C4orf50: variants seen among roughly 807,000 people sequenced by gnomAD.
C4orf50 encodes uncharacterized protein C4orf50.
Under a neutral mutation model 77.2 loss-of-function variants are expected in C4orf50, and 80 were observed. That is an observed-to-expected ratio of 1.04 (90% CI 0.87 to 1.25). The LOEUF (loss-of-function observed/expected upper bound fraction) is 1.25, where lower values mean the gene tolerates loss of function less well. Ranked by LOEUF, C4orf50 falls within the 50% of genes most tolerant of loss-of-function variation. The pLI is 0.00. For synonymous variants in C4orf50, 532 were observed against 465.3 expected (o/e 1.14, Z -1.84); for missense variants, 1,257 against 1,152.9 (o/e 1.09, Z -1.31).
At chr4:5,979,263 A>T (rs995386064) in intron 29 of C4orf50, among the ~76,000 whole-genome samples, 2 of 152,226 alleles carry the variant, frequency 1.3e-5, no homozygotes, top group African/African-American at 4.8e-5. Context: ...CTGTGTTTGT[A>T]ATGCAAAGAA....
At chr4:5,965,275 G>T in intron 32 of C4orf50, 130 bp from the exon 11 acceptor site, 1 of 815,052 alleles carries the variant, frequency 1.2e-6, no homozygotes, top group Non-Finnish European at 1.8e-6. Context: ...TCCATGCCCC[G>T]GGGCAGAGGT....
At chr4:5,959,661 TCC>T in intron 33 of C4orf50, 35 bp from the exon 12 acceptor site, 2 of 1,580,962 alleles carry the variant, frequency 1.3e-6, no homozygotes. Flanking sequence ...GGTCTCTGCG[TCC>T]ACATGTTTGT....
At position 6,017,750 on chromosome 4, in the gene C4orf50, A is replaced by G. The variant is rs756119405; in HGVS notation, c.287+395T>C. 2.0e-5 allele frequency among the ~76,000 whole-genome samples: 3 copies of G among 151,878 alleles called. No homozygotes were observed. The highest frequency in any genetic ancestry group is 2.9e-5 in the Non-Finnish European group (2 of 67,950). ...TAAAAAAATCACCCCAAACCGACCAACTGGATTTGTCTGCCTCTGTCCTTG... is the reference window on the plus strand; with the variant it reads ...TAAAAAAATCACCCCAAACCGACCAGCTGGATTTGTCTGCCTCTGTCCTTG... On this transcript the variant is annotated intron_variant, in intron 23 of 33. Coordinates refer to ENST00000531445, the Ensembl canonical transcript of C4orf50. This position sits in a 1 kb window ranked among gnomAD's most constrained non-coding sequence, Gnocchi z 4.7.
rs138600012 is a variant in C4orf50 at position 5,993,030 on chromosome 4, A to ACC, written c.1094-102_1094-101dup. On this transcript the variant is annotated intron_variant, in intron 26 of 33. Coordinates refer to ENST00000531445, the Ensembl canonical transcript of C4orf50. ...GTCCCCCAGGCTTGGGTAAGATGGC[A>ACC]CCCCCCCCACCCCCGACTGTGAGCC... 1.1e-3 allele frequency: 414 copies of ACC among 387,144 alleles called. 1 individual carries two copies. The highest frequency in any genetic ancestry group is 2.0e-3 in the Admixed American group (44 of 22,076). 24.0% of individuals were successfully genotyped at this position (387,144 alleles called of 1,614,324 possible).
At chr4:5,989,616 C>G (rs963069580) in exon 28 of C4orf50, 16 of 1,536,118 alleles carry the variant, frequency 1.0e-5, no homozygotes, top group Non-Finnish European at 1.3e-5. Context: ...AACAAGCCTC[C>G]ACGTCCTGTG....
intron 23 of C4orf50, among the ~76,000 whole-genome samples, chr4:6,016,595 G>T (rs1466744478): frequency 2.6e-5 from 4 of 152,086 alleles, no homozygotes; most frequent in African/African-American, 7.2e-5. Flanking sequence ...TTTGTTGTAG[G>T]TTGCTTCACT....
intron 33 of C4orf50, among the ~76,000 whole-genome samples, chr4:5,961,952 G>A (rs4328858): frequency 0.67 from 101,524 of 152,102 alleles, 34,691 homozygotes; most frequent in African/African-American, 0.74. Context: ...TATTTAACAA[G>A]TTTGTTTTCA....
chr4:5,947,306 A>G (rs1482365928), intron 7 of C4orf50, among the ~76,000 whole-genome samples: 1 of 152,060 alleles, frequency 6.6e-6, no homozygotes, highest in Non-Finnish European at 1.5e-5. Flanking sequence ...GGAGAGTTTT[A>G]TATCAAGCCC....
At chr4:5,951,045 T>C (rs886583903) in intron 7 of C4orf50, among the ~76,000 whole-genome samples, 11 of 152,238 alleles carry the variant, frequency 7.2e-5, no homozygotes, top group African/African-American at 1.9e-4. Context: ...CAAAGCAGCA[T>C]GTGCTTTTCT....
rs184372833 is a variant in C4orf50 at position 5,915,497 on chromosome 4, C to G, written c.*2475-17309G>C. Among the ~76,000 whole-genome samples, 304 of 152,316 alleles carry G rather than the reference C, an allele frequency of 2.0e-3. 2 individuals are homozygous for G. Among genetic ancestry groups the G allele is most frequent in the Admixed American group, 4.8e-3 (73 of 15,306 alleles). On this transcript the variant is annotated intron_variant, in intron 7 of 7. Coordinates refer to the C4orf50 transcript ENST00000324058. Reference sequence around the variant, plus strand: ...ACCATGGGACACATTTGTGGGCATCCCTGGCCAATGTATGCTGGAGGTTTG... The same window carrying G: ...ACCATGGGACACATTTGTGGGCATCGCTGGCCAATGTATGCTGGAGGTTTG...
rs1722480615 is a variant in C4orf50, at chr4:6,011,205, C to T, written c.426+625G>A. Among the ~76,000 whole-genome samples, 1 of 152,216 alleles carries T rather than the reference C, an allele frequency of 6.6e-6. No individual in the cohort carries two copies. Among genetic ancestry groups the T allele is most frequent in the Non-Finnish European group, 1.5e-5 (1 of 68,030 alleles). ...GCTTCCCTACTTAAGTCCCCTAAAG[C>T]TTGTTCCCCATTGTATTCAGAATTG... On this transcript the variant is annotated intron_variant, in intron 24 of 33. Transcript: ENST00000531445. This position sits in a 1 kb window ranked among gnomAD's most constrained non-coding sequence, Gnocchi z 4.2.
intron 7 of C4orf50, among the ~76,000 whole-genome samples, chr4:5,943,521 G>C (rs1248877083): frequency 6.6e-6 from 1 of 152,140 alleles, no homozygotes; most frequent in Non-Finnish European, 1.5e-5. Flanking sequence ...TGTGATCTTG[G>C]GAAGATTCCC....
chr4:5,994,468 C>G, exon 26 of C4orf50: 1 of 399,242 alleles, frequency 2.5e-6, no homozygotes, highest in Non-Finnish European at 4.4e-6. Context: ...GAACACAGCC[C>G]AGAGCATCCT....
At chr4:5,935,495 T>C (rs1577905960) in intron 7 of C4orf50, among the ~76,000 whole-genome samples, 1 of 152,068 alleles carries the variant, frequency 6.6e-6, no homozygotes, top group South Asian at 2.1e-4. Flanking sequence ...TTCCTATAGA[T>C]AAATCCCCAG....
intron 31 of C4orf50, among the ~76,000 whole-genome samples, chr4:5,968,698 C>T (rs1719722330): frequency 6.6e-6 from 1 of 152,214 alleles, no homozygotes; most frequent in Admixed American, 6.5e-5. Flanking sequence ...ATCCGTCACT[C>T]TCTCCTCTCT....
At chr4:5,956,809 T>G (rs1208348719), downstream of C4orf50, 1 of 152,280 alleles carries the variant, frequency 6.6e-6, no homozygotes, top group African/African-American at 2.4e-5. Flanking sequence ...ACCGTCTGGC[T>G]GGTCTCCAGA....
At chr4:5,910,891 T>C (rs764747268) in intron 7 of C4orf50, among the ~76,000 whole-genome samples, 18 of 148,110 alleles carry the variant, frequency 1.2e-4, no homozygotes, top group Non-Finnish European at 2.7e-4. Flanking sequence ...AGCCAATGGG[T>C]TTCTTCCCTT....
chr4:5,996,497 C>T (rs987454352), intron 25 of C4orf50, among the ~76,000 whole-genome samples: 3 of 152,024 alleles, frequency 2.0e-5, no homozygotes, highest in East Asian at 1.9e-4. Flanking sequence ...CTCTTCTCCC[C>T]GCACCTCAGA....
chr4:5,974,946 C>T (rs1720166787), intron 30 of C4orf50, among the ~76,000 whole-genome samples: 1 of 151,694 alleles, frequency 6.6e-6, no homozygotes, highest in African/African-American at 2.4e-5. Flanking sequence ...TCGAGACCAC[C>T]CTGGCCAACA....
Sources: allele counts gnomAD v4.1 joint callset (sites outside exome capture counted in the v4.1 genomes callset), GRCh38; gene constraint gnomAD v4.1.1; non-coding constraint Gnocchi (gnomAD v3.1); transcripts MANE v1.5; gene names NCBI Gene and HGNC (gene_info 2026-07-23, HGNC 2026-07-21).